The following AGAP1 variants were observed in gnomAD, a reference collection of about 807,000 sequenced individuals.
AGAP1 encodes the protein ArfGAP with GTPase domain, ankyrin repeat and PH domain 1, also known as arf-GAP with GTPase, ANK repeat and PH domain-containing protein 1.
AGAP1 carries 29 observed loss-of-function variants against 105.3 expected under a neutral mutation model. The ratio of observed to expected loss-of-function variants is 0.28; its 90% CI spans 0.21 to 0.38. The LOEUF is 0.38. Among genes scored for constraint, AGAP1 ranks in the 10% least tolerant of loss-of-function variants. The pLI, the probability that AGAP1 is intolerant of heterozygous loss-of-function variation, is 1.00. For synonymous variants in AGAP1, 509 were observed against 485.9 expected (o/e 1.05, Z -0.63); for missense variants, 998 against 1,165.1 (o/e 0.86, Z 2.09).
rs1959237375 is a variant in AGAP1 at position 235,830,651 on chromosome 2, T to G, written c.1050+23320T>G. ...AAGCAATGTTGGTAGGGGGTGGGGG[T>G]TGCACCTTGAGGTTTCTAGGCCAGC... On this transcript the variant is annotated intron_variant, in intron 9 of 17. Transcript: ENST00000304032. This position sits in a 1 kb window ranked among gnomAD's most constrained non-coding sequence, Gnocchi z 5.5. Among the ~76,000 whole-genome samples, 1 of 151,210 alleles carries G rather than the reference T, an allele frequency of 6.6e-6. No homozygotes were observed. The highest frequency in any genetic ancestry group is 1.9e-4 in the East Asian group (1 of 5,144).
chr2:235,656,354 T>G (rs1947769762), intron 1 of AGAP1, among the ~76,000 whole-genome samples: 1 of 152,226 alleles, frequency 6.6e-6, no homozygotes, highest in African/African-American at 2.4e-5. Context: ...AGATATGAGT[T>G]CTAAATTTCT....
intron 9 of AGAP1, among the ~76,000 whole-genome samples, chr2:235,868,670 A>G (rs2049298796): frequency 6.6e-6 from 1 of 152,214 alleles, no homozygotes; most frequent in Non-Finnish European, 1.5e-5. Flanking sequence ...GTTGGTAAAT[A>G]ATTGCTATCG....
intron 1 of AGAP1, among the ~76,000 whole-genome samples, chr2:235,534,951 A>G (rs1270783718): frequency 2.6e-5 from 4 of 152,184 alleles, no homozygotes; most frequent in African/African-American, 9.7e-5. Flanking sequence ...GTGTCACTCA[A>G]GCGAGTGACA....
At position 236,041,131 on chromosome 2, in the gene AGAP1, T is replaced by C. The variant is rs751333586; in HGVS notation, c.1891+290T>C. 1.1e-4 allele frequency among the ~76,000 whole-genome samples: 16 copies of C among 152,204 alleles called. No individual in the cohort carries two copies. The South Asian group carries it at 2.5e-3, about 24-fold the overall frequency. On this transcript the variant is annotated intron_variant, in intron 15 of 17. Coordinates refer to ENST00000304032, the MANE Select transcript of AGAP1 (RefSeq NM_001037131.3). The stretch of plus-strand genomic sequence containing the variant: ...AGGATTCAACCCCACACCCACAGCC[T>C]GTGCCAAATCTAGGAAGCCCAGGAA...
At chr2:235,567,459 C>G (rs897954428) in intron 1 of AGAP1, among the ~76,000 whole-genome samples, 7 of 152,304 alleles carry the variant, frequency 4.6e-5, no homozygotes, top group African/African-American at 1.7e-4. Flanking sequence ...GTCACTGTCC[C>G]TGGGAGAGGT....
rs1306074951 is a variant in AGAP1 at position 235,864,259 on chromosome 2, G to A, written c.1051-19086G>A. Among the ~76,000 whole-genome samples, 1 of 152,182 alleles carries A rather than the reference G, an allele frequency of 6.6e-6. No homozygotes were observed. The highest frequency in any genetic ancestry group is 1.5e-5 in the Non-Finnish European group (1 of 68,034). Reference sequence around the variant, plus strand: ...TCCATGTGCCACTGTGTAGTCCCGTGAACTCTGCATTTTCGCAGAATGCCC... The same window carrying A: ...TCCATGTGCCACTGTGTAGTCCCGTAAACTCTGCATTTTCGCAGAATGCCC... On this transcript the variant is annotated intron_variant, in intron 9 of 17. Transcript: ENST00000304032. This position sits in a 1 kb window ranked among gnomAD's most constrained non-coding sequence, Gnocchi z 5.0.
intron 1 of AGAP1, among the ~76,000 whole-genome samples, chr2:235,562,200 G>A (rs752357099): frequency 2.0e-5 from 3 of 152,170 alleles, no homozygotes; most frequent in African/African-American, 7.2e-5. Flanking sequence ...GTTACATTAA[G>A]TGTGATTGAA....
chr2:235,812,200 A>ACCCT (rs1958182926), intron 9 of AGAP1, among the ~76,000 whole-genome samples: 2 of 151,536 alleles, frequency 1.3e-5, no homozygotes, highest in African/African-American at 4.9e-5. Flanking sequence ...TTGACCTTGA[A>ACCCT]CCCTGATGTC....
rs2060047625 is a variant in AGAP1 at position 236,129,004 on chromosome 2, A to G, written c.*4882A>G. 1 of 152,222 alleles carries G rather than the reference A, an allele frequency of 6.6e-6. No individual in the cohort carries two copies. The highest frequency in any genetic ancestry group is 6.5e-5 in the Admixed American group (1 of 15,288). The allele number at this position is 152,222 out of a possible 1,614,324, so 9.4% of individuals were successfully genotyped here. A position where few individuals can be genotyped will look rare whatever the true frequency, so the allele number is the denominator to read the frequency against. On this transcript the variant is annotated 3_prime_UTR_variant, in exon 18 of 18. Coordinates refer to ENST00000304032, the MANE Select transcript of AGAP1 (RefSeq NM_001037131.3). This position sits in a 1 kb window ranked among gnomAD's most constrained non-coding sequence, Gnocchi z 6.2. Reference sequence around the variant, plus strand: ...CACATCTTTCCTTCAAAGGAAATGTAATTTATTTCCAACCGCTGCCTCAGA... The same window carrying G: ...CACATCTTTCCTTCAAAGGAAATGTGATTTATTTCCAACCGCTGCCTCAGA...
At chr2:235,547,251 G>A (rs1943655335) in intron 1 of AGAP1, among the ~76,000 whole-genome samples, 1 of 152,012 alleles carries the variant, frequency 6.6e-6, no homozygotes, top group South Asian at 2.1e-4. Context: ...GATTCTTGAA[G>A]GCTTTAAGAA....
Position 236,045,718 on chromosome 2 carries a change from C to G in AGAP1, c.1892-3341C>G, listed in dbSNP as rs1245988636. ...ACAGGCCGAGGTTCTCCACCCAGGC[C>G]GAGACACAGCGAAGTGTCCCAGTTG... On this transcript the variant is annotated intron_variant, in intron 15 of 17. Coordinates refer to ENST00000304032, the MANE Select transcript of AGAP1 (RefSeq NM_001037131.3). This position sits in a 1 kb window ranked among gnomAD's most constrained non-coding sequence, Gnocchi z 6.9. 6.6e-6 allele frequency among the ~76,000 whole-genome samples: 1 copy of G among 152,192 alleles called. No homozygotes were observed. Among genetic ancestry groups the G allele is most frequent in the Non-Finnish European group, 1.5e-5 (1 of 68,038 alleles).
chr2:235,743,604 G>A (rs1364866232), intron 4 of AGAP1, among the ~76,000 whole-genome samples: 1 of 151,924 alleles, frequency 6.6e-6, no homozygotes, highest in Non-Finnish European at 1.5e-5. Context: ...TAGAACTTTG[G>A]GTTAAGTTTT....
At chr2:235,807,118 G>T in intron 8 of AGAP1, 121 bp from the exon 9 acceptor site, 1 of 912,236 alleles carries the variant, frequency 1.1e-6, no homozygotes, top group South Asian at 1.5e-5. Flanking sequence ...GTGTCTGTGC[G>T]CACACATAGA....
At chr2:235,591,016 G>A (rs1338529471) in intron 1 of AGAP1, among the ~76,000 whole-genome samples, 1 of 146,594 alleles carries the variant, frequency 6.8e-6, no homozygotes, top group African/African-American at 2.5e-5. Context: ...CCACCGCCCG[G>A]CCTATATTTT....
At chr2:235,852,766 CT>C (rs961120271) in intron 9 of AGAP1, 1 of 1,535,368 alleles carries the variant, frequency 6.5e-7, no homozygotes, top group African/African-American at 1.4e-5. Flanking sequence ...AGTCCTCCCC[CT>C]GGCCAGGGCC....
chr2:236,079,971 C>A (rs1576254288), intron 16 of AGAP1, among the ~76,000 whole-genome samples: 1 of 152,194 alleles, frequency 6.6e-6, no homozygotes, highest in African/African-American at 2.4e-5. Context: ...AAAGAAAAAT[C>A]CGTTATTCAC....
intron 16 of AGAP1, among the ~76,000 whole-genome samples, chr2:236,085,423 A>G (rs2058904572): frequency 6.6e-6 from 1 of 152,048 alleles, no homozygotes; most frequent in South Asian, 2.1e-4. Flanking sequence ...CTCTAAGGCT[A>G]GTTTTGTTCT....
At chr2:235,870,079 G>A (rs2049364282) in intron 9 of AGAP1, among the ~76,000 whole-genome samples, 2 of 152,172 alleles carry the variant, frequency 1.3e-5, no homozygotes, top group Non-Finnish European at 2.9e-5. Context: ...TGGTTTTTGT[G>A]TGCCATCTTC....
At position 236,055,691 on chromosome 2, in the gene AGAP1, G is replaced by A. The variant is rs934566194; in HGVS notation, c.2114+6410G>A. Among the ~76,000 whole-genome samples the A allele has an allele frequency of 3.3e-5, 5 of 152,240 alleles. No homozygotes were observed. Among genetic ancestry groups the A allele is most frequent in the Admixed American group, 1.3e-4 (2 of 15,288 alleles). On this transcript the variant is annotated intron_variant, in intron 16 of 17. Coordinates refer to ENST00000304032, the MANE Select transcript of AGAP1 (RefSeq NM_001037131.3). This position sits in a 1 kb window ranked among gnomAD's most constrained non-coding sequence, Gnocchi z 6.2. Reference sequence around the variant, plus strand: ...GGAGCCGTGGGTTTGCAGGCACACCGTCTGCTGGCAGGAGTGACATTTACT... The same window carrying A: ...GGAGCCGTGGGTTTGCAGGCACACCATCTGCTGGCAGGAGTGACATTTACT...
Sources: gnomAD v4.1 joint callset for allele counts (sites outside exome capture counted in the v4.1 genomes callset) on GRCh38, gnomAD v4.1.1 for gene constraint, Gnocchi (gnomAD v3.1) non-coding constraint, MANE v1.5 for transcripts, NCBI Gene and HGNC (gene_info 2026-07-23, HGNC 2026-07-21) for gene names.